Variants in SAMD5 observed in about 807,000 individuals in gnomAD.
SAMD5 encodes sterile alpha motif domain containing 5.
In SAMD5, 13 loss-of-function variants were observed where a neutral mutation model predicts 11.3. That is an observed-to-expected ratio of 1.15 (90% CI 0.75 to 1.83). The LOEUF (loss-of-function observed/expected upper bound fraction) is 1.83. SAMD5 is among the 40% of genes most tolerant of loss of function. The probability of loss-of-function intolerance (pLI) is 0.00; values close to 1 mark genes in which losing one functional copy is unlikely to be tolerated. For missense variants in SAMD5, 255 were observed against 239.1 expected, an observed-to-expected ratio of 1.07 and a Z score of -0.44; for synonymous variants, 129 against 111.3, an observed-to-expected ratio of 1.16 and a Z score of -1.00.
the SAMD5 span, among the ~76,000 whole-genome samples, chr6:147,793,569 C>G: frequency 5.7e-4 from 87 of 152,064 alleles, 1 homozygote; most frequent in Non-Finnish European, 1.3e-4. Context: ...GTTCATAGAT[C>G]TATGTCTTTT....
chr6:147,536,461 GT>G lies in SAMD5; in HGVS notation c.459+27081del, dbSNP rs1328200094. ...GTTGCAAATAGCTTTAAAGAAATAA[GT>G]TTTTTTGACTTAGAAAACAAAAGGT... is the stretch of plus-strand genomic sequence containing the variant. On this transcript the variant is annotated intron_variant, in intron 1 of 1. Coordinates refer to ENST00000367474, the MANE Select transcript of SAMD5 (RefSeq NM_001030060.3). 1.5e-4 allele frequency among the ~76,000 whole-genome samples: 23 copies of G among 152,110 alleles called. No homozygotes were observed. In the East Asian group the frequency reaches 4.0e-3, roughly 27 times the overall value.
intron 1 of SAMD5, among the ~76,000 whole-genome samples, chr6:147,654,621 T>G (rs1790538661): frequency 6.6e-6 from 1 of 152,108 alleles, no homozygotes; most frequent in African/African-American, 2.4e-5. Flanking sequence ...TTAGCCTGTT[T>G]TTCTGCTCCT....
At chr6:147,766,960 C>T in the SAMD5 span, among the ~76,000 whole-genome samples, 5 of 148,772 alleles carry the variant, frequency 3.4e-5, no homozygotes, top group Non-Finnish European at 3.0e-5. Flanking sequence ...GATGAACACA[C>T]AGTAGCTTTA....
At chr6:147,603,727 A>ACTAAGC (rs1422001892) in intron 1 of SAMD5, among the ~76,000 whole-genome samples, 25 of 151,982 alleles carry the variant, frequency 1.6e-4, no homozygotes, top group Non-Finnish European at 2.8e-4. Flanking sequence ...CAAAGGGTTC[A>ACTAAGC]TGTAAATTGA....
At chr6:147,790,581 T>C in the SAMD5 span, among the ~76,000 whole-genome samples, 1 of 152,200 alleles carries the variant, frequency 6.6e-6, no homozygotes, top group Non-Finnish European at 1.5e-5. Flanking sequence ...AACAAATACT[T>C]AGTAAAGCAT....
chr6:147,909,835 C>T, the SAMD5 span, among the ~76,000 whole-genome samples: 2 of 151,992 alleles, frequency 1.3e-5, no homozygotes, highest in African/African-American at 4.8e-5. Flanking sequence ...AACCACTGAG[C>T]TGAATCACAG....
At chr6:147,757,698 G>T in the SAMD5 span, among the ~76,000 whole-genome samples, 28 of 152,266 alleles carry the variant, frequency 1.8e-4, no homozygotes, top group African/African-American at 5.5e-4. Context: ...TCACTTAGAA[G>T]AAATGAGTCA....
the SAMD5 span, among the ~76,000 whole-genome samples, chr6:147,830,716 T>C: frequency 6.6e-6 from 1 of 152,178 alleles, no homozygotes; most frequent in Non-Finnish European, 1.5e-5. Context: ...AAAAAATTAT[T>C]CTGTTTCCTT....
chr6:147,766,099 T>A, the SAMD5 span, among the ~76,000 whole-genome samples: 7 of 132,920 alleles, frequency 5.3e-5, no homozygotes, highest in East Asian at 2.1e-4. Context: ...CGGTAAGCAA[T>A]GGAAGAAAAA....
the SAMD5 span, among the ~76,000 whole-genome samples, chr6:147,855,640 G>T: frequency 2.6e-5 from 4 of 152,022 alleles, no homozygotes; most frequent in African/African-American, 4.8e-5. Flanking sequence ...GCAAATATTA[G>T]AATTTGTTTG....
Position 147,692,000 on chromosome 6 carries a change from T to C in SAMD5, c.163-45317T>C, listed in dbSNP as rs1053966877. The stretch of plus-strand genomic sequence containing the variant: ...ACACACACACACACACACACCCCCC[T>C]GATTGAGTGCCAGGTACTAAACATG... On this transcript the variant is annotated intron_variant, in intron 1 of 1. Transcript: ENST00000566741. Among the ~76,000 whole-genome samples the C allele has an allele frequency of 5.9e-3, 840 of 141,658 alleles. 1 individual carries two copies. Among genetic ancestry groups the C allele is most frequent in the Middle Eastern group, 0.029 (8 of 272 alleles). The allele number at this position is 141,658 out of a possible 152,430, so 92.9% of individuals were successfully genotyped here. A position where few individuals can be genotyped will look rare whatever the true frequency, so the allele number is the denominator to read the frequency against.
At chr6:147,736,029 G>C (rs886645389) in intron 1 of SAMD5, among the ~76,000 whole-genome samples, 1 of 152,116 alleles carries the variant, frequency 6.6e-6, no homozygotes, top group Non-Finnish European at 1.5e-5. Flanking sequence ...ATGAGATCAT[G>C]TGTATTAAGG....
intron 1 of SAMD5, among the ~76,000 whole-genome samples, chr6:147,559,817 A>C (rs1788919189): frequency 6.6e-6 from 1 of 152,210 alleles, no homozygotes; most frequent in African/African-American, 2.4e-5. Context: ...GAAAAAGAGC[A>C]TATCAGGACA....
At chr6:147,889,861 G>A in the SAMD5 span, among the ~76,000 whole-genome samples, 1 of 152,122 alleles carries the variant, frequency 6.6e-6, no homozygotes, top group Non-Finnish European at 1.5e-5. Context: ...GTTCCTACAG[G>A]AAACTCTCTG....
chr6:147,855,993 G>T, the SAMD5 span, among the ~76,000 whole-genome samples: 1 of 152,116 alleles, frequency 6.6e-6, no homozygotes, highest in Non-Finnish European at 1.5e-5. Context: ...CATGCAAATT[G>T]TATTTGTAAT....
At chr6:147,891,627 A>C in the SAMD5 span, among the ~76,000 whole-genome samples, 617 of 152,292 alleles carry the variant, frequency 4.1e-3, 4 homozygotes, top group African/African-American at 0.014. Flanking sequence ...ATTGTTAAGG[A>C]CAGACAGGTA....
At chr6:147,608,566 C>G (rs1332552235) in intron 1 of SAMD5, among the ~76,000 whole-genome samples, 1 of 152,074 alleles carries the variant, frequency 6.6e-6, no homozygotes, top group African/African-American at 2.4e-5. Context: ...CATGTTCTCA[C>G]TTATTTGTGG....
chr6:147,563,800 C>T (rs929560572), intron 1 of SAMD5, among the ~76,000 whole-genome samples: 1 of 152,216 alleles, frequency 6.6e-6, no homozygotes. Flanking sequence ...ACTTAATTAA[C>T]CTCTTTCCAG....
chr6:147,871,309 T>C, the SAMD5 span, among the ~76,000 whole-genome samples: 1 of 152,184 alleles, frequency 6.6e-6, no homozygotes. Context: ...TTTTCTTTAA[T>C]TACTAATATC....
Sources: allele counts gnomAD v4.1 joint callset (sites outside exome capture counted in the v4.1 genomes callset), GRCh38; gene constraint gnomAD v4.1.1; transcripts MANE v1.5; gene names NCBI Gene and HGNC (gene_info 2026-07-23, HGNC 2026-07-21).